CEP250: variants seen among roughly 807,000 people sequenced by gnomAD.
CEP250 encodes centrosome-associated protein CEP250.
Under a neutral mutation model 315.7 loss-of-function variants are expected in CEP250, and 242 were observed. That is an observed-to-expected ratio of 0.77 (90% CI 0.69 to 0.85). The LOEUF is 0.85. CEP250 is among the 40% of genes least tolerant of loss of function. The pLI is 0.00. For missense variants in CEP250, 2,515 were observed against 2,886.4 expected (o/e 0.87, Z 2.95); for synonymous variants, 1,088 against 1,175.0 (o/e 0.93, Z 1.51).
intron 9 of CEP250, 100 bp from the exon 10 acceptor site, chr20:35,469,790 G>C (rs1221672266): frequency 3.1e-6 from 2 of 646,516 alleles, no homozygotes; most frequent in African/African-American, 3.7e-5. Context: ...GCTGCAGTTG[G>C]GAGTGGTTGG....
chr20:35,470,259 A>G, intron 10 of CEP250: 1 of 478,516 alleles, frequency 2.1e-6, no homozygotes, highest in Non-Finnish European at 3.7e-6. Flanking sequence ...TGGCACATAC[A>G]TTCAGAGACA....
intron 8 of CEP250, 107 bp downstream of exon 8, chr20:35,467,179 G>GCCCCCCC: frequency 7.5e-6 from 4 of 534,854 alleles, no homozygotes; most frequent in Non-Finnish European, 1.1e-5. Flanking sequence ...GGTGGGTGGG[G>GCCCCCCC]GAGTTGGTAG....
rs2063683551 is a variant in CEP250, at chr20:35,491,280, A to G, written c.2823A>G (p.Leu941=). The change falls in exon 22 of 35, where the codon CTA becomes CTG. Residue 941 remains leucine, a synonymous_variant. Coordinates refer to ENST00000397527, the MANE Select transcript of CEP250 (RefSeq NM_007186.6). ...LETLLQTQKE[L]ADASQQLERL... ...CACTGCTGCAGACGCAGAAGGAGCT[A>G]GCAGATGCCAGCCAACAACTGGAAC... 4.4e-6 allele frequency: 7 copies of G among 1,606,122 alleles called. No homozygotes were observed. Among genetic ancestry groups the G allele is most frequent in the Non-Finnish European group, 6.0e-6 (7 of 1,175,896 alleles).
chr20:35,465,440 A>AG (rs2062851796), intron 5 of CEP250, among the ~76,000 whole-genome samples: 1 of 143,938 alleles, frequency 6.9e-6, no homozygotes, highest in Non-Finnish European at 1.5e-5. Context: ...AAAAAAAAAA[A>AG]TGAAAGAAGT....
At chr20:35,500,232 G>A in intron 28 of CEP250, 63 bp downstream of exon 28, 2 of 1,597,992 alleles carry the variant, frequency 1.3e-6, no homozygotes, top group South Asian at 1.1e-5. Flanking sequence ...GAGCCCAGAA[G>A]TGGCAGGCAC....
chr20:35,460,494 G>C lies in CEP250; in HGVS notation c.-104+389G>C, dbSNP rs553892615. On this transcript the variant is annotated intron_variant, in intron 3 of 34. Transcript: ENST00000397527. Reference sequence around the variant, plus strand: ...GGAGAGCACATGCCCTGTCTAAAGGGGGCAGGCACTATACAACTGTGCAGA... The same window carrying C: ...GGAGAGCACATGCCCTGTCTAAAGGCGGCAGGCACTATACAACTGTGCAGA... 5.0e-4 allele frequency among the ~76,000 whole-genome samples: 76 copies of C among 152,288 alleles called. 1 individual carries two copies. The highest frequency in any genetic ancestry group is 2.9e-3 in the Admixed American group (44 of 15,296).
intron 23 of CEP250, 44 bp from the exon 24 acceptor site, chr20:35,494,479 GC>G: frequency 1.9e-6 from 3 of 1,609,838 alleles, no homozygotes; most frequent in Non-Finnish European, 2.5e-6. Flanking sequence ...CTTCCCACCG[GC>G]CCCCTGCCCT....
chr20:35,507,974 C>CT, intron 31 of CEP250, 61 bp from the exon 32 acceptor site: 1 of 1,608,824 alleles, frequency 6.2e-7, no homozygotes, highest in South Asian at 1.1e-5. Flanking sequence ...TGTGTGTCCT[C>CT]TGTCTGTTCC....
At chr20:35,498,746 T>G (rs1244967194) in intron 27 of CEP250, 30 bp downstream of exon 27, 1 of 1,531,838 alleles carries the variant, frequency 6.5e-7, no homozygotes, top group East Asian at 2.4e-5. Context: ...TTTCCCGAAC[T>G]CTTTACATCC....
chr20:35,467,179 G>GGGGGGGGGGGGGGGGGGGGGGGCCCCC, intron 8 of CEP250, 107 bp downstream of exon 8: 1 of 534,830 alleles, frequency 1.9e-6, no homozygotes, highest in Non-Finnish European at 3.5e-6. Flanking sequence ...GGTGGGTGGG[G>GGGGGGGGGGGGGGGGGGGGGGGCCCCC]GAGTTGGTAG....
In CEP250 at chr20:35,514,296, G is replaced by A. The variant is rs987164633; in HGVS notation, c.*2670G>A. 4.6e-5 allele frequency: 7 copies of A among 152,316 alleles called. No homozygotes were observed. Among genetic ancestry groups the A allele is most frequent in the Non-Finnish European group, 8.8e-5 (6 of 68,092 alleles). The allele number at this position is 152,316 out of a possible 1,614,324, so 9.4% of individuals were successfully genotyped here. ...AGTTCTCGTGGATGTACTTGAGGAAGGTGCAATTGGCCACCAGAACATGCA... is the reference window on the plus strand; with the variant it reads ...AGTTCTCGTGGATGTACTTGAGGAAAGTGCAATTGGCCACCAGAACATGCA... On this transcript the variant is annotated 3_prime_UTR_variant, in exon 35 of 35. Transcript: ENST00000397527.
Position 35,493,591 on chromosome 20 carries a change from C to G in CEP250, c.3033+19C>G. ...GAAGCAGGTCCCCTCCTCCTCCCCA[C>G]CAAGTCCCATGGTCCTTCCCCAACA... On this transcript the variant is annotated intron_variant, in intron 23 of 34. Coordinates refer to ENST00000397527, the MANE Select transcript of CEP250 (RefSeq NM_007186.6). 6.6e-7 allele frequency: 1 copy of G among 1,515,632 alleles called. No individual in the cohort carries two copies. Among genetic ancestry groups the G allele is most frequent in the East Asian group, 2.4e-5 (1 of 41,492 alleles). 93.9% of individuals were successfully genotyped at this position (1,515,632 alleles called of 1,614,324 possible).
chr20:35,489,511 T>G lies in CEP250; in HGVS notation c.2587-1126T>G, dbSNP rs141363403. On this transcript the variant is annotated intron_variant, in intron 20 of 34. Coordinates refer to ENST00000397527, the MANE Select transcript of CEP250 (RefSeq NM_007186.6). ...AGAATGACACTGTTGTTATCCCCAT[T>G]TTAATAGATGAAGAAACTGAGGCAC... Among the ~76,000 whole-genome samples, 122 of 152,328 alleles carry G rather than the reference T, an allele frequency of 8.0e-4. 2 individuals carry two copies. Among genetic ancestry groups the G allele is most frequent in the African/African-American group, 2.6e-3 (106 of 41,568 alleles).
chr20:35,467,942 TC>T (rs1459239723), intron 9 of CEP250, among the ~76,000 whole-genome samples: 10 of 132,318 alleles, frequency 7.6e-5, no homozygotes, highest in African/African-American at 2.9e-4. Flanking sequence ...AAATATTACC[TC>T]TTTTTTTTTT....
chr20:35,503,830 G>C lies in CEP250; in HGVS notation c.5461G>C (p.Ala1821Pro). 1.2e-6 allele frequency: 2 copies of C among 1,613,970 alleles called. No homozygotes were observed. Among genetic ancestry groups the C allele is most frequent in the Non-Finnish European group, 8.5e-7 (1 of 1,180,010 alleles). Residue 1821 changes from alanine (A) to proline (P), a missense_variant, in exon 30 of 35, where the codon GCT becomes CCT. By Grantham distance (27) the Ala-to-Pro change is conservative (BLOSUM62 -1). Transcript: ENST00000397527. This position sits in a 1 kb window ranked among gnomAD's most constrained non-coding sequence, Gnocchi z 4.2. ...ALAQRDQELE[A>P]LQQEQQQAQG... ...AGCCCAGAGGGACCAGGAACTGGAG[G>C]CTCTGCAGCAAGAACAGCAGCAGGC...
chr20:35,502,874 A>G lies in CEP250; in HGVS notation c.4505A>G (p.Lys1502Arg). ...ATGGCCGTCCAGGAGCGAGAGCAGA[A>G]GCTGACTGTGCAGAGGGAGCAGATC... Reference protein sequence around the residue: ...LPMAVQEREQKLTVQREQIRE... With the variant: ...LPMAVQEREQRLTVQREQIRE... The change falls in exon 30 of 35, where the codon AAG becomes AGG. Residue 1502 changes from lysine to arginine, a missense_variant. Physicochemically the swap from Lys to Arg is conservative, Grantham distance 26. Transcript: ENST00000397527. 1 of 1,614,258 alleles carries G rather than the reference A, an allele frequency of 6.2e-7. No homozygotes were observed. Among genetic ancestry groups the G allele is most frequent in the Non-Finnish European group, 8.5e-7 (1 of 1,180,042 alleles).
Position 35,503,866 on chromosome 20 carries a change from G to A in CEP250, c.5497G>A (p.Glu1833Lys), listed in dbSNP as rs201724904. The A allele has an allele frequency of 5.8e-5, 93 of 1,613,974 alleles. No homozygotes were observed. In the East Asian group the frequency reaches 1.9e-3, roughly 32 times the overall value. Residue 1833 changes from glutamate (E) to lysine (K), a missense_variant, in exon 30 of 35, where the codon GAG becomes AAG. By Grantham distance (56) the Glu-to-Lys change is moderately conservative. Coordinates refer to ENST00000397527, the MANE Select transcript of CEP250 (RefSeq NM_007186.6). This position sits in a 1 kb window ranked among gnomAD's most constrained non-coding sequence, Gnocchi z 4.2. Reference sequence around the variant, plus strand: ...AGAACAGCAGCAGGCCCAGGGACAGGAGGAGAGGGTGAAGGAAAAGGCAGA... The same window carrying A: ...AGAACAGCAGCAGGCCCAGGGACAGAAGGAGAGGGTGAAGGAAAAGGCAGA... ...QQEQQQAQGQ[E>K]ERVKEKADAL...
At chr20:35,491,477 G>A (rs2063692744) in intron 22 of CEP250, 131 bp downstream of exon 22, 2 of 1,013,114 alleles carry the variant, frequency 2.0e-6, no homozygotes, top group African/African-American at 1.6e-5. Flanking sequence ...GTACATAAAG[G>A]TATGGCACAG....
At chr20:35,491,052 C>T (rs2063675054) in intron 21 of CEP250, 160 bp from the exon 22 acceptor site, 2 of 906,246 alleles carry the variant, frequency 2.2e-6, no homozygotes, top group Non-Finnish European at 3.3e-6. Flanking sequence ...GTAATCTTTG[C>T]ACTTCCTTGT....
Sources: allele counts gnomAD v4.1 joint callset (sites outside exome capture counted in the v4.1 genomes callset), GRCh38; gene constraint gnomAD v4.1.1; non-coding constraint Gnocchi (gnomAD v3.1); transcripts MANE v1.5; gene names NCBI Gene and HGNC (gene_info 2026-07-23, HGNC 2026-07-21).